Variants in GABRB2 observed in about 807,000 individuals in gnomAD.
GABRB2 encodes the protein gamma-aminobutyric acid receptor subunit beta-2.
Under a neutral mutation model 54.7 loss-of-function variants are expected in GABRB2, and 16 were observed. The ratio of observed to expected loss-of-function variants is 0.29; its 90% CI spans 0.20 to 0.44. The LOEUF (loss-of-function observed/expected upper bound fraction) is 0.44. GABRB2 is among the 20% of genes least tolerant of loss of function. The pLI, the probability that GABRB2 is intolerant of heterozygous loss-of-function variation, is 1.00. For missense variants in GABRB2, 355 were observed against 644.0 expected (o/e 0.55, Z 4.86); for synonymous variants, 244 against 233.8 (o/e 1.04, Z -0.40).
At chr5:161,502,228 T>G (rs1308546159) in intron 3 of GABRB2, among the ~76,000 whole-genome samples, 1 of 151,956 alleles carries the variant, frequency 6.6e-6, no homozygotes, top group African/African-American at 2.4e-5. Context: ...AAAGTTGATT[T>G]GATACAATGA....
chr5:161,530,742 T>A (rs1400580276), intron 3 of GABRB2, among the ~76,000 whole-genome samples: 3 of 152,152 alleles, frequency 2.0e-5, no homozygotes, highest in African/African-American at 7.2e-5. Context: ...ATATTATGAC[T>A]TTTAAAATAA....
chr5:161,487,106 T>G (rs1758948959), intron 3 of GABRB2, among the ~76,000 whole-genome samples: 3 of 151,972 alleles, frequency 2.0e-5, no homozygotes. Flanking sequence ...CCTGCCTTTG[T>G]GAAAACACAG....
Position 161,360,347 on chromosome 5 carries a change from T to C in GABRB2, c.542-23578A>G, listed in dbSNP as rs776671883. On this transcript the variant is annotated intron_variant, in intron 5 of 9. Coordinates refer to ENST00000393959, the MANE Select transcript of GABRB2 (RefSeq NM_001371727.1). ...AAACAAAGAACACTAGGTTTGTATATAAGAAGGTTCAGATGTTGATGTAAA... is the reference window on the plus strand; with the variant it reads ...AAACAAAGAACACTAGGTTTGTATACAAGAAGGTTCAGATGTTGATGTAAA... 5.9e-5 allele frequency among the ~76,000 whole-genome samples: 9 copies of C among 152,292 alleles called. No homozygotes were observed. In the South Asian group the frequency reaches 8.3e-4, roughly 14 times the overall value.
intron 9 of GABRB2, among the ~76,000 whole-genome samples, chr5:161,296,118 CAT>C (rs1757374470): frequency 6.6e-6 from 1 of 152,130 alleles, no homozygotes; most frequent in Admixed American, 6.5e-5. Flanking sequence ...CTCAAAGCCA[CAT>C]AGTTACTAAA....
chr5:161,490,423 A>G (rs1759063844), intron 3 of GABRB2, among the ~76,000 whole-genome samples: 1 of 151,656 alleles, frequency 6.6e-6, no homozygotes, highest in Admixed American at 6.6e-5. Flanking sequence ...ATGTGAACTC[A>G]AGTCACATAG....
intron 3 of GABRB2, among the ~76,000 whole-genome samples, chr5:161,476,251 T>C (rs765072713): frequency 6.6e-6 from 1 of 151,898 alleles, no homozygotes; most frequent in Non-Finnish European, 1.5e-5. Context: ...AAAAGATGTG[T>C]ACTCTGCAAA....
intron 5 of GABRB2, among the ~76,000 whole-genome samples, chr5:161,395,290 A>G (rs1755960453): frequency 6.6e-6 from 1 of 152,092 alleles, no homozygotes; most frequent in Non-Finnish European, 1.5e-5. Flanking sequence ...TAGTTTGAAG[A>G]GCTAGTGATG....
At chr5:161,528,370 G>A (rs1760348997) in intron 3 of GABRB2, among the ~76,000 whole-genome samples, 1 of 151,682 alleles carries the variant, frequency 6.6e-6, no homozygotes, top group Non-Finnish European at 1.5e-5. Flanking sequence ...TAACAAAAAT[G>A]ATTCTGATAA....
chr5:161,310,986 T>G (rs980172199), intron 9 of GABRB2, among the ~76,000 whole-genome samples: 6 of 152,104 alleles, frequency 3.9e-5, no homozygotes, highest in African/African-American at 1.4e-4. Context: ...GGTCTCGATC[T>G]CCTCACCTCG....
intron 3 of GABRB2, among the ~76,000 whole-genome samples, chr5:161,468,638 T>C (rs1758347993): frequency 1.3e-5 from 2 of 152,046 alleles, no homozygotes; most frequent in Admixed American, 1.3e-4. Flanking sequence ...TGTATTTTCA[T>C]GTCGCCCAAC....
At chr5:161,540,638 T>A (rs57850595) in intron 3 of GABRB2, among the ~76,000 whole-genome samples, 41,979 of 152,048 alleles carry the variant, frequency 0.28, 6,274 homozygotes, top group Admixed American at 0.4. Context: ...ATAGCCTTAC[T>A]AATTGTACTT....
intron 5 of GABRB2, among the ~76,000 whole-genome samples, chr5:161,395,452 C>T (rs968561267): frequency 6.6e-6 from 1 of 152,086 alleles, no homozygotes; most frequent in Non-Finnish European, 1.5e-5. Context: ...ATGCTTCGCC[C>T]TCAGCACTTT....
At chr5:161,506,005 G>T (rs189301266) in intron 3 of GABRB2, among the ~76,000 whole-genome samples, 2 of 152,060 alleles carry the variant, frequency 1.3e-5, no homozygotes, top group African/African-American at 2.4e-5. Context: ...ATGTAAGACT[G>T]TCTTTTTTCA....
intron 5 of GABRB2, among the ~76,000 whole-genome samples, chr5:161,369,910 T>C (rs1203452692): frequency 6.6e-6 from 1 of 152,148 alleles, no homozygotes; most frequent in Non-Finnish European, 1.5e-5. Context: ...CCCTGACTGA[T>C]CTCTTCAGAC....
At chr5:161,348,247 CATTA>C (rs1401466931) in intron 5 of GABRB2, among the ~76,000 whole-genome samples, 12 of 152,014 alleles carry the variant, frequency 7.9e-5, no homozygotes, top group South Asian at 2.1e-4. Context: ...TTAAAAATAT[CATTA>C]ATTAATTGAA....
intron 3 of GABRB2, among the ~76,000 whole-genome samples, chr5:161,482,274 C>T (rs545366849): frequency 1.3e-5 from 2 of 152,148 alleles, no homozygotes; most frequent in East Asian, 3.9e-4. Flanking sequence ...AGGAGACCTA[C>T]AAAAGGAGTC....
chr5:161,302,252 C>T lies in GABRB2; in HGVS notation c.1192-7824G>A, dbSNP rs1757561158. ...CCTTTCCCCTCTTTCTGTGTCTATCCTAACATTTTTCATGACAAGAAAAGA... is the reference window on the plus strand; with the variant it reads ...CCTTTCCCCTCTTTCTGTGTCTATCTTAACATTTTTCATGACAAGAAAAGA... On this transcript the variant is annotated intron_variant, in intron 9 of 9. Coordinates refer to ENST00000393959, the MANE Select transcript of GABRB2 (RefSeq NM_001371727.1). 2.0e-5 allele frequency among the ~76,000 whole-genome samples: 3 copies of T among 152,106 alleles called. No homozygotes were observed. The South Asian group carries it at 6.2e-4, about 32-fold the overall frequency.
chr5:161,459,077 A>G (rs987491513), intron 4 of GABRB2: 7 of 153,368 alleles, frequency 4.6e-5, no homozygotes, highest in African/African-American at 1.7e-4. Flanking sequence ...CCTCACCCAG[A>G]TATCAGAGTA....
intron 3 of GABRB2, among the ~76,000 whole-genome samples, chr5:161,531,682 A>C (rs2113455561): frequency 6.6e-6 from 1 of 152,092 alleles, no homozygotes; most frequent in East Asian, 1.9e-4. Flanking sequence ...GCAGAACAAA[A>C]CCAACTGTAA....
Sources: allele counts gnomAD v4.1 joint callset (sites outside exome capture counted in the v4.1 genomes callset), GRCh38; gene constraint gnomAD v4.1.1; transcripts MANE v1.5; gene names NCBI Gene and HGNC (gene_info 2026-07-23, HGNC 2026-07-21).